Variants in ELP3 observed in about 807,000 individuals in gnomAD.
ELP3 encodes the protein elongator acetyltransferase complex subunit 3, also known as elongator complex protein 3.
ELP3 carries 56 observed loss-of-function variants against 74.9 expected under a neutral mutation model. The ratio of observed to expected loss-of-function variants is 0.75; its 90% CI spans 0.60 to 0.93. ELP3 has a LOEUF of 0.93. Ranked by LOEUF, ELP3 falls within the 40% of genes least tolerant of loss-of-function variation. ELP3 has a pLI of 0.00. For missense variants in ELP3, 573 were observed against 686.5 expected (o/e 0.83, Z 1.85); for synonymous variants, 222 against 239.8 (o/e 0.93, Z 0.68).
At chr8:28,139,461 T>C (rs1813135905) in intron 10 of ELP3, among the ~76,000 whole-genome samples, 1 of 152,210 alleles carries the variant, frequency 6.6e-6, no homozygotes, top group South Asian at 2.1e-4. Context: ...ACAACACAGG[T>C]GGCCCTTCAT....
At chr8:28,133,379 C>A (rs1019847223) in intron 9 of ELP3, among the ~76,000 whole-genome samples, 1 of 147,396 alleles carries the variant, frequency 6.8e-6, no homozygotes, top group Admixed American at 6.7e-5. Context: ...TTTCCTTAAC[C>A]TATTGTTGAC....
At chr8:28,135,952 T>A (rs550994031) in intron 9 of ELP3, among the ~76,000 whole-genome samples, 2 of 151,856 alleles carry the variant, frequency 1.3e-5, no homozygotes, top group African/African-American at 4.8e-5. Flanking sequence ...AAAAATTCTT[T>A]CCTGTTCCTT....
At position 28,188,974 on chromosome 8, in the gene ELP3, C is replaced by A. The variant is rs115162638; in HGVS notation, c.1568-675C>A. Among the ~76,000 whole-genome samples the A allele has an allele frequency of 4.4e-3, 667 of 152,254 alleles. 4 individuals are homozygous for A. Among genetic ancestry groups the A allele is most frequent in the African/African-American group, 0.015 (638 of 41,540 alleles). On this transcript the variant is annotated intron_variant, in intron 14 of 14. Transcript: ENST00000256398. ...CAAATTGAGTTAAATTATAGAACAC[C>A]CAGTTGGTGTCAACAGAGAACTGGA...
At chr8:28,128,439 G>C (rs910086667) in intron 7 of ELP3, among the ~76,000 whole-genome samples, 3 of 152,064 alleles carry the variant, frequency 2.0e-5, no homozygotes, top group Admixed American at 6.6e-5. Flanking sequence ...TCGCGCCACT[G>C]TACTACAGCC....
intron 7 of ELP3, among the ~76,000 whole-genome samples, chr8:28,129,092 T>C (rs1187963014): frequency 6.6e-6 from 1 of 152,178 alleles, no homozygotes; most frequent in Admixed American, 6.5e-5. Context: ...ATAATGTAGA[T>C]GGTTTTCACT....
rs569297362 is a variant in ELP3, at chr8:28,099,875, G to A, written c.167G>A (p.Arg56His). 20 of 1,614,164 alleles carry A rather than the reference G, an allele frequency of 1.2e-5. No individual in the cohort carries two copies. Among genetic ancestry groups the A allele is most frequent in the South Asian group, 7.7e-5 (7 of 91,078 alleles). The change falls in exon 3 of 15, where the codon CGC becomes CAC. Residue 56 changes from arginine (R) to histidine (H), a missense_variant. Coordinates refer to ENST00000256398, the MANE Select transcript of ELP3 (RefSeq NM_018091.6). Reference sequence around the variant, plus strand: ...AAATATGGCCTTTCTGCCCAGCCCCGCCTGGTGGATATCATTGCTGCCGTC... The same window carrying A: ...AAATATGGCCTTTCTGCCCAGCCCCACCTGGTGGATATCATTGCTGCCGTC... The part of the protein sequence containing the change: ...AAKYGLSAQP[R>H]LVDIIAAVPP...
intron 14 of ELP3, among the ~76,000 whole-genome samples, chr8:28,176,112 C>T (rs955538934): frequency 7.9e-5 from 12 of 152,192 alleles, no homozygotes; most frequent in African/African-American, 2.4e-4. Context: ...CCACTGCACC[C>T]GGCCCTGTCT....
chr8:28,137,624 CAG>C lies in ELP3; in HGVS notation c.907-73_907-72del, dbSNP rs1203337418. ...CTACTGGGTGTGCCAGAGAAGCTGTCAGGGGTTGAGATTTCACCCTCGGTGAT... is the reference window on the plus strand; with the variant it reads ...CTACTGGGTGTGCCAGAGAAGCTGTCGGGTTGAGATTTCACCCTCGGTGAT... On this transcript the variant is annotated intron_variant, in intron 9 of 14. Transcript: ENST00000256398. 1.4e-5 allele frequency: 21 copies of C among 1,468,472 alleles called. No homozygotes were observed. In the African/African-American group the frequency reaches 2.6e-4, roughly 18 times the overall value. The allele number at this position is 1,468,472 out of a possible 1,614,324, so 91.0% of individuals were successfully genotyped here. A position where few individuals can be genotyped will look rare whatever the true frequency, so the allele number is the denominator to read the frequency against.
In ELP3 at chr8:28,094,993, A is replaced by G. The variant is rs1161135772; in HGVS notation, c.19+1760A>G. ...TTATTTCCAAAGTTGAGAATATGCA[A>G]TTCTTCACTGTCTGTTGCATTCCAT... On this transcript the variant is annotated intron_variant, in intron 1 of 14. Transcript: ENST00000256398. Among the ~76,000 whole-genome samples the G allele has an allele frequency of 5.3e-5, 8 of 152,202 alleles. 1 individual carries two copies. The highest frequency in any genetic ancestry group is 5.2e-4 in the Admixed American group (8 of 15,282).
intron 1 of ELP3, 56 bp downstream of exon 1, chr8:28,093,289 A>G (rs1462382727): frequency 4.4e-6 from 7 of 1,604,882 alleles, no homozygotes; most frequent in African/African-American, 1.3e-5. Context: ...GCGAACGCCC[A>G]GGCAATCAAA....
intron 1 of ELP3, among the ~76,000 whole-genome samples, chr8:28,095,791 G>T (rs112924912): frequency 1.5e-4 from 23 of 152,222 alleles, no homozygotes; most frequent in African/African-American, 5.5e-4. Context: ...TTACTGTAAG[G>T]GTTCAAATGA....
At chr8:28,169,486 T>C (rs1814435240) in intron 14 of ELP3, among the ~76,000 whole-genome samples, 1 of 152,166 alleles carries the variant, frequency 6.6e-6, no homozygotes, top group African/African-American at 2.4e-5. Flanking sequence ...ACTGGGGCTG[T>C]CCATATGAGC....
intron 9 of ELP3, among the ~76,000 whole-genome samples, chr8:28,132,853 G>T (rs936404040): frequency 1.3e-5 from 2 of 151,922 alleles, no homozygotes; most frequent in East Asian, 3.9e-4. Flanking sequence ...AGATATACTG[G>T]TTTTTTAATA....
chr8:28,141,568 A>T (rs565703931), intron 10 of ELP3, among the ~76,000 whole-genome samples: 1 of 152,254 alleles, frequency 6.6e-6, no homozygotes, highest in South Asian at 2.1e-4. Context: ...CCTCATTTTG[A>T]TGGTTCTTTT....
chr8:28,097,100 C>T (rs1811281823), intron 1 of ELP3, 119 bp from the exon 2 acceptor site: 3 of 621,902 alleles, frequency 4.8e-6, no homozygotes, highest in Non-Finnish European at 8.5e-6. Flanking sequence ...ATCTTCTGAA[C>T]TTGAGCTATT....
At chr8:28,153,458 C>T (rs1276031417) in intron 10 of ELP3, among the ~76,000 whole-genome samples, 1 of 152,106 alleles carries the variant, frequency 6.6e-6, no homozygotes, top group Non-Finnish European at 1.5e-5. Context: ...ATTCTGTGTG[C>T]CAGTGAAAAG....
rs370161111 is a variant in ELP3 at position 28,112,763 on chromosome 8, G to A, written c.463-256G>A. The A allele has an allele frequency of 8.0e-5, 22 of 275,440 alleles. No homozygotes were observed. In the East Asian group the frequency reaches 9.3e-4, roughly 12 times the overall value. The allele number at this position is 275,440 out of a possible 1,614,324, so 17.1% of individuals were successfully genotyped here. A position where few individuals can be genotyped will look rare whatever the true frequency, so the allele number is the denominator to read the frequency against. On this transcript the variant is annotated intron_variant, in intron 6 of 14. Transcript: ENST00000256398. ...ATATTCTTCGTGTTTTTAAATTTCC[G>A]CTTTGTAGGTATTCAAGTCAAGCCT...
intron 13 of ELP3, among the ~76,000 whole-genome samples, chr8:28,161,402 T>C (rs547736552): frequency 0.01 from 1,553 of 152,060 alleles, 19 homozygotes; most frequent in Non-Finnish European, 0.017. Context: ...GGTGAAACCC[T>C]GTCTCTACTA....
In ELP3 at chr8:28,107,921, CTG is replaced by C; in HGVS notation, c.339_340del (p.Gly114TrpfsTer3). ...TTTTGTTGTACTGGCAGATACTGCC[CTG>C]GTGGACCTGATTCTGATTTTGAGTA... On this transcript the variant is annotated frameshift_variant, in exon 5 of 15. Transcript: ENST00000256398. LOFTEE classifies it high-confidence loss of function. The C allele has an allele frequency of 6.2e-7, 1 of 1,613,932 alleles. No individual in the cohort carries two copies. The highest frequency in any genetic ancestry group is 8.5e-7 in the Non-Finnish European group (1 of 1,179,936).
Sources: gnomAD v4.1 joint callset for allele counts (sites outside exome capture counted in the v4.1 genomes callset) on GRCh38, gnomAD v4.1.1 for gene constraint, MANE v1.5 for transcripts, NCBI Gene and HGNC (gene_info 2026-07-23, HGNC 2026-07-21) for gene names.